The following ACTA2 variants were observed in gnomAD, a reference collection of about 807,000 sequenced individuals.
ACTA2 encodes the protein actin, aortic smooth muscle.
A neutral mutation model predicts 39.5 loss-of-function variants in ACTA2; 12 were observed. The observed-to-expected ratio is 0.30, with a 90% CI of 0.19 to 0.49. The LOEUF (loss-of-function observed/expected upper bound fraction) is 0.49. ACTA2 is among the 20% of genes least tolerant of loss of function. The probability of loss-of-function intolerance (pLI) is 0.99; values close to 1 mark genes in which losing one functional copy is unlikely to be tolerated. For synonymous variants in ACTA2, 158 were observed against 180.6 expected (o/e 0.88, Z 1.00); for missense variants, 236 against 498.8 (o/e 0.47, Z 5.02).
chr10:88,938,178 G>A lies in ACTA2; in HGVS notation c.873C>T (p.Ile291=), dbSNP rs1233218233. 1.2e-6 allele frequency: 2 copies of A among 1,613,920 alleles called. No individual in the cohort carries two copies. Among genetic ancestry groups the A allele is most frequent in the African/African-American group, 2.7e-5 (2 of 74,902 alleles). ...YNSIMKCDID[I]RKDLYANNVL... ...CATTGTTAGCATAGAGGTCCTTCCT[G>A]ATGTCAATATCACACTTCATGATGC... The change falls in exon 8 of 9, where the codon ATC becomes ATT. Residue 291 remains isoleucine (I), a synonymous_variant. Transcript: ENST00000224784.
At chr10:88,954,585 C>T (rs1184489456), upstream of ACTA2, among the ~76,000 whole-genome samples, 1 of 152,154 alleles carries the variant, frequency 6.6e-6, no homozygotes, top group East Asian at 1.9e-4. Context: ...TATGAAGTGA[C>T]TGTTCATCTA....
chr10:88,940,766 A>C (rs1366022930), intron 6 of ACTA2: 2 of 245,446 alleles, frequency 8.1e-6, no homozygotes, highest in Non-Finnish European at 1.6e-5. Context: ...TCTTCCATTT[A>C]ATACTGATAA....
intron 1 of ACTA2, among the ~76,000 whole-genome samples, chr10:88,988,740 T>C (rs1564667219): frequency 6.6e-6 from 1 of 152,216 alleles, no homozygotes; most frequent in Non-Finnish European, 1.5e-5. Flanking sequence ...TCATTAGGTG[T>C]TCATTCAATA....
In ACTA2 at chr10:88,990,837, T is replaced by C. The variant is rs925082962; in HGVS notation, c.-24+102A>G. The C allele has an allele frequency of 9.9e-6, 16 of 1,613,720 alleles. No homozygotes were observed. The highest frequency in any genetic ancestry group is 1.3e-5 in the Non-Finnish European group (15 of 1,179,904). The stretch of plus-strand genomic sequence containing the variant: ...GTTGGTGGACCCGCTCAGTACGGAG[T>C]TGGGGAAGCTCTTTCACTTCGGAGG... On this transcript the variant is annotated intron_variant, in intron 1 of 4. Transcript: ENST00000415557. The surrounding 1 kb of genome is among the most constrained non-coding windows in gnomAD (Gnocchi z 4.9).
chr10:88,988,549 G>C (rs1439552586), intron 1 of ACTA2, among the ~76,000 whole-genome samples: 3 of 151,440 alleles, frequency 2.0e-5, no homozygotes, highest in Admixed American at 6.6e-5. Flanking sequence ...TAACTTATAT[G>C]GTATGGTTTG....
rs757977826 is a variant in ACTA2 at position 88,943,863 on chromosome 10, T to C, written c.303A>G (p.Glu101=). 2 of 1,613,974 alleles carry C rather than the reference T, an allele frequency of 1.2e-6. No homozygotes were observed. The highest frequency in any genetic ancestry group is 4.5e-5 in the East Asian group (2 of 44,868). ...CCTCCGTGAGCAGGGTGGGATGCTC[T>C]TCAGGGGCAACACGAAGCTCATTGT... The part of the protein sequence containing the change: ...SFYNELRVAP[E]EHPTLLTEAP... The change falls in exon 4 of 9, where the codon GAA becomes GAG. Residue 101 remains glutamate, a synonymous_variant. Transcript: ENST00000224784.
chr10:88,959,891 G>A (rs988775402), intron 1 of ACTA2, among the ~76,000 whole-genome samples: 1 of 150,744 alleles, frequency 6.6e-6, no homozygotes, highest in African/African-American at 2.4e-5. Context: ...TCTCAGTTTG[G>A]ATTTGTCTGA....
At chr10:88,974,435 C>G (rs769843425) in intron 1 of ACTA2, 1 of 152,078 alleles carries the variant, frequency 6.6e-6, no homozygotes, top group Non-Finnish European at 1.5e-5. Context: ...ATGAAAAAAG[C>G]AATTGCTAGA....
At chr10:88,989,334 C>T in intron 1 of ACTA2, 10 of 304,604 alleles carry the variant, frequency 3.3e-5, no homozygotes, top group South Asian at 5.3e-5. Flanking sequence ...CTTTTCCTTC[C>T]TTCTTTTTAC....
chr10:88,937,749 C>G (rs572560350), intron 8 of ACTA2, among the ~76,000 whole-genome samples: 12 of 152,094 alleles, frequency 7.9e-5, no homozygotes, highest in Middle Eastern at 3.4e-3. Flanking sequence ...ATTTTTGTGT[C>G]GAGAAAAACA....
chr10:88,943,433 T>A (rs1428043551), intron 4 of ACTA2, among the ~76,000 whole-genome samples: 1 of 152,210 alleles, frequency 6.6e-6, no homozygotes, highest in Non-Finnish European at 1.5e-5. Context: ...GTCACATAAC[T>A]GATAAGTGGC....
At chr10:88,978,226 A>C in intron 1 of ACTA2, among the ~76,000 whole-genome samples, 1 of 128,208 alleles carries the variant, frequency 7.8e-6, no homozygotes, top group Admixed American at 8.1e-5. Flanking sequence ...TGGAAGGGGA[A>C]TATCACACTC....
chr10:88,970,648 T>C lies in ACTA2; in HGVS notation c.-24+20291A>G, dbSNP rs144030131. Among the ~76,000 whole-genome samples, 370 of 152,244 alleles carry C rather than the reference T, an allele frequency of 2.4e-3. 2 individuals carry two copies. Among genetic ancestry groups the C allele is most frequent in the Non-Finnish European group, 3.7e-3 (252 of 68,018 alleles). On this transcript the variant is annotated intron_variant, in intron 1 of 4. Coordinates refer to the ACTA2 transcript ENST00000415557. Reference sequence around the variant, plus strand: ...TATCCTTACAATAGTTTGCTGAGAATGATGGTTGGGAATTGAACAATGAGA... The same window carrying C: ...TATCCTTACAATAGTTTGCTGAGAACGATGGTTGGGAATTGAACAATGAGA...
At chr10:88,973,506 G>A in intron 1 of ACTA2, 1 of 579,554 alleles carries the variant, frequency 1.7e-6, no homozygotes, top group Non-Finnish European at 2.6e-6. Flanking sequence ...TCATGGATGT[G>A]AGGCCAGGTA....
chr10:88,977,478 A>G (rs1302278605), intron 1 of ACTA2, among the ~76,000 whole-genome samples: 2 of 152,122 alleles, frequency 1.3e-5, no homozygotes, highest in African/African-American at 4.8e-5. Context: ...AGTTGTAGAT[A>G]TGCGGCGTTC....
chr10:88,978,253 G>T (rs1387740700), intron 1 of ACTA2, among the ~76,000 whole-genome samples: 19 of 117,778 alleles, frequency 1.6e-4, no homozygotes, highest in East Asian at 2.9e-4. Flanking sequence ...CTGTTGTGGG[G>T]TGGGGGGAGG....
intron 2 of ACTA2, among the ~76,000 whole-genome samples, chr10:88,947,981 T>A (rs1425678438): frequency 6.6e-6 from 1 of 152,120 alleles, no homozygotes. Flanking sequence ...TTAAAAAAAA[T>A]CATTAAGGTG....
chr10:88,990,702 G>C lies in ACTA2; in HGVS notation c.-24+237C>G, dbSNP rs1414925801. On this transcript the variant is annotated intron_variant, in intron 1 of 4. Coordinates refer to the ACTA2 transcript ENST00000415557. The surrounding 1 kb of genome is among the most constrained non-coding windows in gnomAD (Gnocchi z 4.9). Reference sequence around the variant, plus strand: ...TTCAAAGACGCTTCTGGGGAGTGAGGGAAGCGGTTTACGAGTGACTTGGCT... The same window carrying C: ...TTCAAAGACGCTTCTGGGGAGTGAGCGAAGCGGTTTACGAGTGACTTGGCT... The C allele has an allele frequency of 1.3e-6, 1 of 742,888 alleles. No homozygotes were observed. 46.0% of individuals were successfully genotyped at this position (742,888 alleles called of 1,614,324 possible).
chr10:88,960,767 G>A (rs906562565), intron 1 of ACTA2, among the ~76,000 whole-genome samples: 3 of 152,082 alleles, frequency 2.0e-5, no homozygotes, highest in Non-Finnish European at 2.9e-5. Flanking sequence ...GTTAGTTTAC[G>A]GTGTAAAGGG....
Sources: gnomAD v4.1 joint callset for allele counts (sites outside exome capture counted in the v4.1 genomes callset) on GRCh38, gnomAD v4.1.1 for gene constraint, Gnocchi (gnomAD v3.1) non-coding constraint, MANE v1.5 for transcripts, NCBI Gene and HGNC (gene_info 2026-07-23, HGNC 2026-07-21) for gene names.